ACSM4: variants seen among roughly 807,000 people sequenced by gnomAD.
ACSM4 encodes acyl-coenzyme A synthetase ACSM4, mitochondrial.
ACSM4 carries 66 observed loss-of-function variants against 73.0 expected under a neutral mutation model. The ratio of observed to expected loss-of-function variants is 0.90; its 90% CI spans 0.74 to 1.11. The LOEUF is 1.11. Among genes scored for constraint, ACSM4 ranks in the 50% least tolerant of loss-of-function variants. ACSM4 has a pLI of 0.00. For synonymous variants in ACSM4, 222 were observed against 254.0 expected (o/e 0.87, Z 1.20); for missense variants, 645 against 714.4 (o/e 0.90, Z 1.11).
At chr12:7,310,852 C>T in intron 3 of ACSM4, 106 bp downstream of exon 3, 1 of 1,184,002 alleles carries the variant, frequency 8.4e-7, no homozygotes, top group African/African-American at 1.5e-5. Context: ...GTCAGTTGAT[C>T]TGGGCTCTTA....
intron 6 of ACSM4, among the ~76,000 whole-genome samples, chr12:7,321,524 TG>T (rs1259918353): frequency 7.2e-5 from 11 of 152,340 alleles, no homozygotes; most frequent in African/African-American, 2.6e-4. Context: ...TCCTAGTCAG[TG>T]TCAACTCCTT....
intron 1 of ACSM4, among the ~76,000 whole-genome samples, chr12:7,305,418 AAAG>A (rs2136327566): frequency 6.6e-6 from 1 of 152,368 alleles, no homozygotes; most frequent in African/African-American, 2.4e-5. Context: ...TATACAAAAT[AAAG>A]AAGAATAGTG....
intron 2 of ACSM4, among the ~76,000 whole-genome samples, chr12:7,307,246 T>C (rs2136328304): frequency 6.6e-6 from 1 of 152,308 alleles, no homozygotes; most frequent in Middle Eastern, 3.4e-3. Context: ...AGTGCAGGAC[T>C]CTGTCTCAAA....
At chr12:7,327,587 A>G (rs960596019) in intron 12 of ACSM4, among the ~76,000 whole-genome samples, 3 of 152,220 alleles carry the variant, frequency 2.0e-5, no homozygotes, top group Admixed American at 6.5e-5. Context: ...TACTACGTAA[A>G]TACATGAAGA....
intron 11 of ACSM4, among the ~76,000 whole-genome samples, chr12:7,325,586 G>A (rs987416165): frequency 6.6e-6 from 1 of 152,164 alleles, no homozygotes; most frequent in Non-Finnish European, 1.5e-5. Flanking sequence ...GGCAATGGTT[G>A]GAGTGAGCCA....
rs1292425374 is a variant in ACSM4, at chr12:7,324,321, A to T, written c.1357A>T (p.Thr453Ser). 4 of 1,613,804 alleles carry T rather than the reference A, an allele frequency of 2.5e-6. No homozygotes were observed. Among genetic ancestry groups the T allele is most frequent in the Non-Finnish European group, 3.4e-6 (4 of 1,179,928 alleles). ...CACGATAAGAGGAGATTTTTATGTC[A>T]CTGGAGACAGAGGAGTGATGGACAG... ...AATIRGDFYVTGDRGVMDSDG... is the reference protein window; with the variant it reads ...AATIRGDFYVSGDRGVMDSDG... The change falls in exon 10 of 13, where the codon ACT becomes TCT. Residue 453 changes from threonine to serine, a missense_variant. By Grantham distance (58) the Thr-to-Ser change is moderately conservative (BLOSUM62 1). Coordinates refer to ENST00000399422, the MANE Select transcript of ACSM4 (RefSeq NM_001080454.2).
chr12:7,326,877 T>C (rs1034792321), intron 11 of ACSM4, 99 bp from the exon 12 acceptor site: 1 of 1,323,210 alleles, frequency 7.6e-7, no homozygotes, highest in Non-Finnish European at 1.0e-6. Flanking sequence ...ACACAAACTG[T>C]TATTAATAAA....
intron 2 of ACSM4, among the ~76,000 whole-genome samples, chr12:7,308,911 T>C (rs1312363892): frequency 6.6e-6 from 1 of 152,210 alleles, no homozygotes; most frequent in African/African-American, 2.4e-5. Flanking sequence ...AATGTATCTT[T>C]GAATCTTTTC....
intron 5 of ACSM4, among the ~76,000 whole-genome samples, chr12:7,319,233 G>A (rs1003296387): frequency 1.3e-5 from 2 of 152,020 alleles, no homozygotes; most frequent in African/African-American, 4.8e-5. Context: ...TAGGGTTCAG[G>A]CTCCTATGAG....
intron 4 of ACSM4, 149 bp downstream of exon 4, chr12:7,317,429 C>T: frequency 8.9e-7 from 1 of 1,126,814 alleles, no homozygotes; most frequent in Non-Finnish European, 1.2e-6. Flanking sequence ...CCCCGCCCAA[C>T]CTAGCTCAGT....
intron 12 of ACSM4, among the ~76,000 whole-genome samples, chr12:7,327,950 C>T (rs1946521368): frequency 6.6e-6 from 1 of 152,112 alleles, no homozygotes; most frequent in Admixed American, 6.5e-5. Context: ...AAGACAAGAA[C>T]TGTTCTTTTT....
At position 7,304,236 on chromosome 12, in the gene ACSM4, C is replaced by T. The variant is rs1946348330; in HGVS notation, c.-96C>T. The T allele has an allele frequency of 7.6e-7, 1 of 1,321,410 alleles. No individual in the cohort carries two copies. Among genetic ancestry groups the T allele is most frequent in the Admixed American group, 1.9e-5 (1 of 53,884 alleles). 81.9% of individuals were successfully genotyped at this position (1,321,410 alleles called of 1,614,324 possible). On this transcript the variant is annotated 5_prime_UTR_variant, in exon 1 of 13. Transcript: ENST00000399422. ...CCACAAATCCACCTCCCAGTCTCACCACAGAGCATCAAGAAACTGATACTC... is the reference window on the plus strand; with the variant it reads ...CCACAAATCCACCTCCCAGTCTCACTACAGAGCATCAAGAAACTGATACTC...
intron 11 of ACSM4, among the ~76,000 whole-genome samples, chr12:7,325,483 C>T (rs1235774811): frequency 6.6e-6 from 1 of 152,122 alleles, no homozygotes; most frequent in African/African-American, 2.4e-5. Flanking sequence ...CCTGTCTCTA[C>T]TAAAAATACA....
intron 11 of ACSM4, 62 bp downstream of exon 11, chr12:7,324,660 A>T: frequency 6.5e-7 from 1 of 1,549,606 alleles, no homozygotes; most frequent in Non-Finnish European, 8.9e-7. Context: ...CCATTTGACC[A>T]CTGTAAAGGC....
chr12:7,328,114 TCA>T (rs1206951525), intron 12 of ACSM4, among the ~76,000 whole-genome samples, 171 bp from the exon 13 acceptor site: 2 of 152,186 alleles, frequency 1.3e-5, no homozygotes, highest in Non-Finnish European at 2.9e-5. Flanking sequence ...AGCTACACTA[TCA>T]CCCTTCCTAC....
At chr12:7,308,684 G>A (rs375911417) in intron 2 of ACSM4, among the ~76,000 whole-genome samples, 5 of 152,168 alleles carry the variant, frequency 3.3e-5, no homozygotes, top group East Asian at 3.9e-4. Flanking sequence ...TATATTGAGC[G>A]AATACTCTAA....
In ACSM4 at chr12:7,306,418, G is replaced by A. The variant is rs745499346; in HGVS notation, c.202-115G>A. 91 of 943,784 alleles carry A rather than the reference G, an allele frequency of 9.6e-5. No homozygotes were observed. The South Asian group carries it at 1.3e-3, about 13-fold the overall frequency. The allele number at this position is 943,784 out of a possible 1,614,324, so 58.5% of individuals were successfully genotyped here. ...GTTCCCTCAAAGACGAACTCAGGGC[G>A]CTGTTAGCAGAATGCACCAGAACCA... On this transcript the variant is annotated intron_variant, in intron 1 of 12. Coordinates refer to ENST00000399422, the MANE Select transcript of ACSM4 (RefSeq NM_001080454.2).
At position 7,307,809 on chromosome 12, in the gene ACSM4, T is replaced by C. The variant is rs774049376; in HGVS notation, c.412+1066T>C. On this transcript the variant is annotated intron_variant, in intron 2 of 12. Transcript: ENST00000399422. ...GCAGAAATCCTCATTGAGATGGAGA[T>C]ACTATGGCCTGCAAAGCCTAAAATA... is the stretch of plus-strand genomic sequence containing the variant. Among the ~76,000 whole-genome samples, 4 of 152,340 alleles carry C rather than the reference T, an allele frequency of 2.6e-5. No individual in the cohort carries two copies. The South Asian group carries it at 8.3e-4, about 32-fold the overall frequency.
chr12:7,313,815 G>C (rs1374376774), intron 3 of ACSM4, among the ~76,000 whole-genome samples: 2 of 152,178 alleles, frequency 1.3e-5, no homozygotes, highest in Non-Finnish European at 2.9e-5. Flanking sequence ...AAATTATGGA[G>C]TCAGAGTGAA....
Sources: allele counts gnomAD v4.1 joint callset (sites outside exome capture counted in the v4.1 genomes callset), GRCh38; gene constraint gnomAD v4.1.1; transcripts MANE v1.5; gene names NCBI Gene and HGNC (gene_info 2026-07-23, HGNC 2026-07-21).